Variants in VPS25 observed in about 807,000 individuals in gnomAD.
VPS25 encodes the protein vacuolar protein sorting 25 homolog.
Under a neutral mutation model 30.3 loss-of-function variants are expected in VPS25, and 21 were observed. The observed-to-expected ratio is 0.69, with a 90% CI of 0.49 to 1.00. The LOEUF (loss-of-function observed/expected upper bound fraction) is 1.00, where lower values mean the gene tolerates loss of function less well. Among genes scored for constraint, VPS25 ranks in the 50% least tolerant of loss-of-function variants. The pLI, the probability that VPS25 is intolerant of heterozygous loss-of-function variation, is 0.00. For synonymous variants in VPS25, 101 were observed against 88.1 expected (o/e 1.15, Z -0.82); for missense variants, 156 against 217.2 (o/e 0.72, Z 1.77).
At position 42,779,025 on chromosome 17, in the gene VPS25, G is replaced by C. The variant is rs765260598; in HGVS notation, c.487G>C (p.Glu163Gln). The change falls in exon 6 of 6, where the codon GAG becomes CAG. Residue 163 changes from glutamate to glutamine, a missense_variant. Glu to Gln is a conservative substitution (Grantham distance 29). Transcript: ENST00000253794. Reference protein sequence around the residue: ...LQALQQEHKAEIITVSDGRGV... With the variant: ...LQALQQEHKAQIITVSDGRGV... ...GGCCCTACAGCAGGAGCACAAGGCCGAGATCATCACTGTCAGCGATGGCCG... is the reference window on the plus strand; with the variant it reads ...GGCCCTACAGCAGGAGCACAAGGCCCAGATCATCACTGTCAGCGATGGCCG... The C allele has an allele frequency of 1.2e-6, 2 of 1,614,082 alleles. No homozygotes were observed. Among genetic ancestry groups the C allele is most frequent in the Non-Finnish European group, 1.7e-6 (2 of 1,179,968 alleles).
At chr17:42,778,820 G>A (rs939582682) in intron 5 of VPS25, 137 bp from the exon 6 acceptor site, 5 of 653,116 alleles carry the variant, frequency 7.7e-6, no homozygotes, top group Non-Finnish European at 1.3e-5. Context: ...CCTGGGAAGT[G>A]TGGATGGCAG....
chr17:42,778,910 C>T, intron 5 of VPS25, 47 bp from the exon 6 acceptor site: 1 of 1,586,896 alleles, frequency 6.3e-7, no homozygotes, highest in Middle Eastern at 1.7e-4. Context: ...CCTCAGAGGC[C>T]TTGGGCCTCA....
chr17:42,775,187 G>A (rs753107866), intron 3 of VPS25, 194 bp from the exon 4 acceptor site: 1 of 541,708 alleles, frequency 1.8e-6, no homozygotes, highest in Admixed American at 3.4e-5. Flanking sequence ...GAGACCTCAG[G>A]CATGTGTCAC....
intron 2 of VPS25, chr17:42,774,109 A>G: frequency 2.2e-5 from 10 of 454,780 alleles, no homozygotes; most frequent in Non-Finnish European, 3.8e-5. Context: ...AGGTCTTAGA[A>G]TTTCTGCCCT....
At chr17:42,774,148 A>C in intron 2 of VPS25, 1 of 371,776 alleles carries the variant, frequency 2.7e-6, no homozygotes. Context: ...TTTTAACCTA[A>C]ACCCTTTTGA....
rs79411298 is a variant in VPS25 at position 42,776,885 on chromosome 17, C to T, written c.418+565C>T. Among the ~76,000 whole-genome samples the T allele has an allele frequency of 3.6e-4, 55 of 152,306 alleles. 1 individual carries two copies. In the East Asian group the frequency reaches 0.01, roughly 29 times the overall value. Reference sequence around the variant, plus strand: ...TTTTCTAGGGATAGATTAGATATTACAAGATTTCCAAGGGCATCTATGACC... The same window carrying T: ...TTTTCTAGGGATAGATTAGATATTATAAGATTTCCAAGGGCATCTATGACC... On this transcript the variant is annotated intron_variant, in intron 5 of 5. Transcript: ENST00000253794.
intron 1 of VPS25, 22 bp downstream of exon 1, chr17:42,773,550 G>A: frequency 6.2e-7 from 1 of 1,614,140 alleles, no homozygotes. Flanking sequence ...ACCCCAAGAA[G>A]CACCGCTGTG....
At chr17:42,773,573 C>A in intron 1 of VPS25, 45 bp downstream of exon 1, 1 of 1,613,822 alleles carries the variant, frequency 6.2e-7, no homozygotes, top group Non-Finnish European at 8.5e-7. Context: ...TCCCTCCCCT[C>A]CCCCGGACCC....
chr17:42,774,666 A>C lies in VPS25; in HGVS notation c.220A>C (p.Ile74Leu). ...ACCAGGAAAGCTTCCTGTGGAGTCG[A>C]TCCAGATTGTATTAGAGGAACTGAG... is the stretch of plus-strand genomic sequence containing the variant. ...KLQRKLPVES[I>L]QIVLEELRKK... is the part of the protein sequence containing the mutation. The change falls in exon 3 of 6, where the codon ATC becomes CTC. Residue 74 changes from isoleucine (I) to leucine (L), a missense_variant. Coordinates refer to ENST00000253794, the MANE Select transcript of VPS25 (RefSeq NM_032353.4). The C allele has an allele frequency of 6.2e-7, 1 of 1,613,218 alleles. No individual in the cohort carries two copies. Among genetic ancestry groups the C allele is most frequent in the Non-Finnish European group, 8.5e-7 (1 of 1,179,342 alleles).
Position 42,779,190 on chromosome 17 carries a change from C to CAGGA in VPS25, c.*121_*122insAGGA. ...CCACCAGACTCAAAAGGACTCCAGT[C>CAGGA]CTGAAGGCTGGGACCTGGGGATGGG... On this transcript the variant is annotated 3_prime_UTR_variant, in exon 6 of 6. Transcript: ENST00000253794. 1.1e-6 allele frequency: 1 copy of CAGGA among 899,562 alleles called. No individual in the cohort carries two copies. The highest frequency in any genetic ancestry group is 1.7e-6 in the Non-Finnish European group (1 of 578,974). The allele number at this position is 899,562 out of a possible 1,614,324, so 55.7% of individuals were successfully genotyped here. A position where few individuals can be genotyped will look rare whatever the true frequency, so the allele number is the denominator to read the frequency against.
chr17:42,773,990 C>T (rs1456315414), intron 2 of VPS25, 112 bp downstream of exon 2: 3 of 1,304,352 alleles, frequency 2.3e-6, no homozygotes, highest in Non-Finnish European at 3.1e-6. Flanking sequence ...GGCAGATTCC[C>T]ACCCAAACTG....
At chr17:42,776,049 G>A (rs2054433637) in intron 4 of VPS25, among the ~76,000 whole-genome samples, 196 bp from the exon 5 acceptor site, 1 of 152,202 alleles carries the variant, frequency 6.6e-6, no homozygotes, top group Admixed American at 6.5e-5. Flanking sequence ...GTGGTTTAGT[G>A]GTTCCAAATG....
intron 2 of VPS25, 133 bp from the exon 3 acceptor site, chr17:42,774,513 A>G (rs1052164945): frequency 1.7e-6 from 1 of 590,226 alleles, no homozygotes; most frequent in African/African-American, 1.8e-5. Flanking sequence ...ATGCCAATTC[A>G]TATCATGTTG....
intron 1 of VPS25, 66 bp from the exon 2 acceptor site, chr17:42,773,667 A>G (rs1461568455): frequency 9.3e-6 from 15 of 1,604,752 alleles, no homozygotes; most frequent in African/African-American, 1.3e-5. Context: ...TTCTTCCTGA[A>G]ATGCGTCCCG....
intron 5 of VPS25, among the ~76,000 whole-genome samples, chr17:42,776,639 G>T (rs1304960955): frequency 6.6e-6 from 1 of 150,396 alleles, no homozygotes; most frequent in East Asian, 2.0e-4. Flanking sequence ...TGGGATTAGA[G>T]GCGTGAGCCA....
intron 5 of VPS25, among the ~76,000 whole-genome samples, chr17:42,778,210 A>G (rs2054447107): frequency 6.6e-6 from 1 of 151,668 alleles, no homozygotes; most frequent in Admixed American, 6.6e-5. Flanking sequence ...TTTTGAGACA[A>G]AGTCTTGCTC....
chr17:42,776,598 G>A (rs867737510), intron 5 of VPS25, among the ~76,000 whole-genome samples: 3 of 151,262 alleles, frequency 2.0e-5, no homozygotes, highest in Admixed American at 1.3e-4. Context: ...TCCTAACCTC[G>A]TGATCCGCCT....
intron 5 of VPS25, among the ~76,000 whole-genome samples, chr17:42,778,032 G>A (rs776559022): frequency 6.6e-6 from 1 of 152,100 alleles, no homozygotes; most frequent in Non-Finnish European, 1.5e-5. Flanking sequence ...GGGCAAAGTT[G>A]TAGGTTTCCT....
intron 3 of VPS25, chr17:42,775,157 T>C: frequency 2.1e-6 from 1 of 486,972 alleles, no homozygotes; most frequent in South Asian, 2.7e-5. Flanking sequence ...GATCCTCCCA[T>C]CTCAGCCTCC....
Sources: allele counts gnomAD v4.1 joint callset (sites outside exome capture counted in the v4.1 genomes callset), GRCh38; gene constraint gnomAD v4.1.1; transcripts MANE v1.5; gene names NCBI Gene and HGNC (gene_info 2026-07-23, HGNC 2026-07-21).